AIG1: variants seen among roughly 807,000 people sequenced by gnomAD.
AIG1 encodes androgen induced 1.
Under a neutral mutation model 31.4 loss-of-function variants are expected in AIG1, and 23 were observed. The observed-to-expected ratio is 0.73, with a 90% CI of 0.53 to 1.04. The LOEUF (loss-of-function observed/expected upper bound fraction) is 1.04, where lower values mean the gene tolerates loss of function less well. AIG1 is among the 50% of genes least tolerant of loss of function. The pLI, the probability that AIG1 is intolerant of heterozygous loss-of-function variation, is 0.00. For synonymous variants in AIG1, 100 were observed against 110.5 expected, an observed-to-expected ratio of 0.90 and a Z score of 0.60; for missense variants, 274 against 295.0, an observed-to-expected ratio of 0.93 and a Z score of 0.52.
intron 4 of AIG1, among the ~76,000 whole-genome samples, chr6:143,304,674 G>A (rs1799112940): frequency 6.6e-6 from 1 of 150,818 alleles, no homozygotes; most frequent in Admixed American, 6.6e-5. Context: ...CAAGGATATT[G>A]ATCTAAAATT....
At position 143,284,378 on chromosome 6, in the gene AIG1, C is replaced by T. The variant is rs1287636086; in HGVS notation, c.515+153C>T. On this transcript the variant is annotated intron_variant, in intron 4 of 5. Coordinates refer to ENST00000357847, the MANE Select transcript of AIG1 (RefSeq NM_016108.4). The surrounding 1 kb of genome is among the most constrained non-coding windows in gnomAD (Gnocchi z 4.4). ...GGGCTTTGTCTCGTTTCCCCAGATG[C>T]TTATATTTTTAGAAAGTATATGCCA... is the stretch of plus-strand genomic sequence containing the variant. Among the ~76,000 whole-genome samples the T allele has an allele frequency of 6.6e-6, 1 of 152,166 alleles. No individual in the cohort carries two copies. The highest frequency in any genetic ancestry group is 1.5e-5 in the Non-Finnish European group (1 of 68,036).
At chr6:143,221,147 T>C (rs1365557748) in intron 3 of AIG1, among the ~76,000 whole-genome samples, 2 of 152,198 alleles carry the variant, frequency 1.3e-5, no homozygotes, top group Admixed American at 1.3e-4. Flanking sequence ...TGATATTCTT[T>C]TTCTTAGCTA....
chr6:143,144,297 A>C (rs1367268017), intron 2 of AIG1, among the ~76,000 whole-genome samples: 5 of 152,222 alleles, frequency 3.3e-5, no homozygotes, highest in Non-Finnish European at 7.3e-5. Flanking sequence ...CATGGAGCCT[A>C]CTGTGTAGCA....
intron 4 of AIG1, among the ~76,000 whole-genome samples, chr6:143,303,340 A>G (rs1249093939): frequency 1.3e-5 from 2 of 152,012 alleles, no homozygotes; most frequent in South Asian, 4.2e-4. Context: ...GTTTTCTTCT[A>G]GGGTTTTTAT....
rs954399186 is a variant in AIG1, at chr6:143,325,897, A to G, written c.516-7385A>G. Among the ~76,000 whole-genome samples, 2 of 152,202 alleles carry G rather than the reference A, an allele frequency of 1.3e-5. No homozygotes were observed. Among genetic ancestry groups the G allele is most frequent in the Non-Finnish European group, 2.9e-5 (2 of 68,038 alleles). On this transcript the variant is annotated intron_variant, in intron 4 of 5. Coordinates refer to ENST00000357847, the MANE Select transcript of AIG1 (RefSeq NM_016108.4). This position sits in a 1 kb window ranked among gnomAD's most constrained non-coding sequence, Gnocchi z 4.3. The stretch of plus-strand genomic sequence containing the variant: ...GCAAGGGAGGGAATACCTGATGTGT[A>G]ACATTTGCCCATATCCTTGGTGTGA...
At chr6:143,302,620 A>G (rs1798911636) in intron 4 of AIG1, among the ~76,000 whole-genome samples, 1 of 152,010 alleles carries the variant, frequency 6.6e-6, no homozygotes, top group African/African-American at 2.4e-5. Flanking sequence ...AATCCAATCT[A>G]TCATTGTTGG....
Position 143,078,704 on chromosome 6 carries a change from T to C in AIG1, c.141+17638T>C, listed in dbSNP as rs548108533. 3.9e-5 allele frequency among the ~76,000 whole-genome samples: 6 copies of C among 152,234 alleles called. 1 individual carries two copies. The South Asian group carries it at 1.2e-3, about 32-fold the overall frequency. ...CTTATTCACTACCTTGAGAACAGTA[T>C]GGAGGAAACCACCCCCATGATTCAA... On this transcript the variant is annotated intron_variant, in intron 1 of 5. Coordinates refer to ENST00000357847, the MANE Select transcript of AIG1 (RefSeq NM_016108.4).
At chr6:143,121,446 C>G (rs926318300) in intron 1 of AIG1, among the ~76,000 whole-genome samples, 1 of 152,238 alleles carries the variant, frequency 6.6e-6, no homozygotes, top group African/African-American at 2.4e-5. Flanking sequence ...ATTACATAAT[C>G]CTTTTTTCCC....
chr6:143,339,551 T>A, intron 5 of AIG1, 88 bp from the exon 6 acceptor site: 1 of 1,341,300 alleles, frequency 7.5e-7, no homozygotes, highest in East Asian at 2.4e-5. Context: ...GATGAGTGGA[T>A]GTGTGAGTAG....
downstream of AIG1, chr6:143,343,203 G>A: frequency 1.4e-6 from 1 of 701,154 alleles, no homozygotes; most frequent in Non-Finnish European, 2.7e-6. Flanking sequence ...CACGGATATG[G>A]CAGGAATGAT....
intron 3 of AIG1, among the ~76,000 whole-genome samples, chr6:143,269,074 A>AG (rs1174566326): frequency 6.6e-6 from 1 of 152,196 alleles, no homozygotes; most frequent in Non-Finnish European, 1.5e-5. Flanking sequence ...CTGCATTGCA[A>AG]GGCCATACCT....
chr6:143,166,422 C>T (rs1786946942), intron 3 of AIG1, among the ~76,000 whole-genome samples: 1 of 152,152 alleles, frequency 6.6e-6, no homozygotes, highest in South Asian at 2.1e-4. Flanking sequence ...CCCCAAATGC[C>T]CTTCTCAGTC....
chr6:143,204,133 G>A (rs1262704826), intron 3 of AIG1, among the ~76,000 whole-genome samples: 1 of 152,162 alleles, frequency 6.6e-6, no homozygotes, highest in East Asian at 1.9e-4. Flanking sequence ...ATCCACTGTT[G>A]TATAATGTAC....
At chr6:143,251,904 T>C (rs1044165187) in intron 3 of AIG1, among the ~76,000 whole-genome samples, 2 of 152,234 alleles carry the variant, frequency 1.3e-5, no homozygotes, top group Non-Finnish European at 2.9e-5. Context: ...CTTCTCTCCA[T>C]TGATATGCTC....
chr6:143,071,138 T>G (rs1418970043), intron 1 of AIG1, among the ~76,000 whole-genome samples: 1 of 152,232 alleles, frequency 6.6e-6, no homozygotes, highest in Non-Finnish European at 1.5e-5. Context: ...AATTTGTTCT[T>G]TCTATGATTT....
At chr6:143,078,959 A>G (rs1777971194) in intron 1 of AIG1, among the ~76,000 whole-genome samples, 1 of 152,170 alleles carries the variant, frequency 6.6e-6, no homozygotes, top group Non-Finnish European at 1.5e-5. Flanking sequence ...TATACTCTCC[A>G]GCTCTCAAGA....
chr6:143,237,703 T>C (rs1452854523), intron 3 of AIG1, among the ~76,000 whole-genome samples: 2 of 152,190 alleles, frequency 1.3e-5, no homozygotes, highest in Non-Finnish European at 2.9e-5. Context: ...GTAACTTTTC[T>C]ATTAGAAATG....
intron 3 of AIG1, among the ~76,000 whole-genome samples, chr6:143,182,031 T>C (rs1788776078): frequency 6.6e-6 from 1 of 152,052 alleles, no homozygotes; most frequent in African/African-American, 2.4e-5. Flanking sequence ...TTCTTTTTTT[T>C]CTTTTTAAAG....
Position 143,136,913 on chromosome 6 carries a change from G to A in AIG1, c.220G>A (p.Glu74Lys). ...TCTGACTCGAGGAAGTGGGAACCAG[G>A]AGCAAGAGAGGCAGCTCAAGAAGCT... Reference protein sequence around the residue: ...SLLTRGSGNQEQERQLKKLIS... With the variant: ...SLLTRGSGNQKQERQLKKLIS... Residue 74 changes from glutamate to lysine, a missense_variant, in exon 2 of 6, where the codon GAG (glutamate) becomes AAG (lysine). By Grantham distance (56) the Glu-to-Lys change is moderately conservative. This residue lies in a region of AIG1 where 243 missense variants were observed against 238.5 expected (regional missense o/e 1.02). Transcript: ENST00000357847. 1 of 1,536,864 alleles carries A rather than the reference G, an allele frequency of 6.5e-7. No homozygotes were observed. The highest frequency in any genetic ancestry group is 1.8e-5 in the Admixed American group (1 of 55,568).
Sources: allele counts gnomAD v4.1 joint callset (sites outside exome capture counted in the v4.1 genomes callset), GRCh38; gene constraint gnomAD v4.1.1; regional missense constraint gnomAD v4.1.1; non-coding constraint Gnocchi (gnomAD v3.1); transcripts MANE v1.5; gene names NCBI Gene and HGNC (gene_info 2026-07-23, HGNC 2026-07-21).